The following SLC13A1 variants were observed in gnomAD, a reference collection of about 807,000 sequenced individuals.
SLC13A1 encodes the protein Na(+)/sulfate cotransporter.
In SLC13A1, 65 loss-of-function variants were observed where a neutral mutation model predicts 70.0. That is an observed-to-expected ratio of 0.93 (90% CI 0.76 to 1.14). The LOEUF is 1.14. SLC13A1 is among the 50% of genes most tolerant of loss of function. SLC13A1 has a pLI of 0.00. For synonymous variants in SLC13A1, 275 were observed against 250.5 expected, an observed-to-expected ratio of 1.10 and a Z score of -0.92; for missense variants, 726 against 717.8, an observed-to-expected ratio of 1.01 and a Z score of -0.13.
intron 6 of SLC13A1, among the ~76,000 whole-genome samples, chr7:123,160,239 C>G (rs1260215922): frequency 1.4e-4 from 20 of 146,906 alleles, no homozygotes; most frequent in African/African-American, 4.3e-4. Flanking sequence ...TCACTGCACT[C>G]TAGCCTAGGT....
At chr7:123,158,099 A>C (rs1794772106) in intron 6 of SLC13A1, among the ~76,000 whole-genome samples, 1 of 152,096 alleles carries the variant, frequency 6.6e-6, no homozygotes, top group South Asian at 2.1e-4. Flanking sequence ...AAAAAATTTC[A>C]ATGTTTAAAA....
chr7:123,194,522 G>C (rs1796111740), intron 1 of SLC13A1, among the ~76,000 whole-genome samples: 1 of 151,982 alleles, frequency 6.6e-6, no homozygotes, highest in Non-Finnish European at 1.5e-5. Flanking sequence ...GAAAAATTTT[G>C]ATTTTTCACA....
chr7:123,154,498 G>A (rs1794652377), intron 6 of SLC13A1, among the ~76,000 whole-genome samples: 5 of 152,032 alleles, frequency 3.3e-5, no homozygotes, highest in Admixed American at 2.6e-4. Flanking sequence ...CACTGAATAC[G>A]TATACTTTGT....
chr7:123,173,974 T>TG (rs1190253082), intron 2 of SLC13A1, among the ~76,000 whole-genome samples: 1 of 150,122 alleles, frequency 6.7e-6, no homozygotes, highest in Non-Finnish European at 1.5e-5. Flanking sequence ...GAAGCTGTTT[T>TG]TTTTTTTTTT....
intron 1 of SLC13A1, among the ~76,000 whole-genome samples, chr7:123,192,658 T>C (rs181936361): frequency 9.1e-4 from 138 of 152,112 alleles, no homozygotes; most frequent in African/African-American, 2.9e-3. Flanking sequence ...ACAAAGCAAT[T>C]AAAAAAGGAG....
chr7:123,188,354 A>G (rs1323851941), intron 1 of SLC13A1, among the ~76,000 whole-genome samples: 2 of 152,124 alleles, frequency 1.3e-5, no homozygotes, highest in Non-Finnish European at 2.9e-5. Context: ...TCTTTATAGC[A>G]CTATGAAAAT....
At chr7:123,199,772 A>C in intron 1 of SLC13A1, 76 bp downstream of exon 1, 1 of 1,109,172 alleles carries the variant, frequency 9.0e-7, no homozygotes, top group Non-Finnish European at 1.4e-6. Flanking sequence ...CCAGGCAGTT[A>C]AACAGCAAAC....
chr7:123,115,669 G>C lies in SLC13A1; in HGVS notation c.1651-14C>G. On this transcript the variant is annotated splice_polypyrimidine_tract_variant and intron_variant, in intron 14 of 14. Transcript: ENST00000194130. ...TCCAGCTTTAACCTTGAACAGGAAA[G>C]AGCATAAATGTCAGTGTCCCAGAAG... The C allele has an allele frequency of 6.2e-7, 1 of 1,612,670 alleles. No individual in the cohort carries two copies. Among genetic ancestry groups the C allele is most frequent in the Non-Finnish European group, 8.5e-7 (1 of 1,179,126 alleles).
intron 6 of SLC13A1, among the ~76,000 whole-genome samples, chr7:123,167,784 A>G (rs1795124338): frequency 6.6e-6 from 1 of 152,054 alleles, no homozygotes; most frequent in Admixed American, 6.6e-5. Context: ...TTTTAGTGGC[A>G]ATGGAAGCAC....
At chr7:123,126,705 A>G (rs1189981906) in intron 10 of SLC13A1, among the ~76,000 whole-genome samples, 4 of 152,100 alleles carry the variant, frequency 2.6e-5, no homozygotes, top group Non-Finnish European at 5.9e-5. Flanking sequence ...ATTTTCTTTC[A>G]TTACTAGTTA....
At chr7:123,178,017 TTC>T (rs146835273) in intron 2 of SLC13A1, among the ~76,000 whole-genome samples, 1 of 149,024 alleles carries the variant, frequency 6.7e-6, no homozygotes, top group Admixed American at 6.7e-5. Flanking sequence ...ATCTCTCTCT[TTC>T]TCTCTCTCTC....
chr7:123,188,931 C>G (rs964034968), intron 1 of SLC13A1, among the ~76,000 whole-genome samples: 1 of 150,926 alleles, frequency 6.6e-6, no homozygotes, highest in Non-Finnish European at 1.5e-5. Flanking sequence ...CCGGCTAAAA[C>G]GGTGAAACCC....
chr7:123,145,163 T>C (rs1447275738), intron 7 of SLC13A1, among the ~76,000 whole-genome samples: 1 of 152,212 alleles, frequency 6.6e-6, no homozygotes, highest in African/African-American at 2.4e-5. Context: ...CAAGTTACTA[T>C]GTGCCAGACC....
chr7:123,168,587 A>G (rs779304083), intron 4 of SLC13A1, 26 bp from the exon 5 acceptor site: 1 of 1,543,110 alleles, frequency 6.5e-7, no homozygotes, highest in South Asian at 1.1e-5. Context: ...TAAAAGAAAA[A>G]CAATTTAAAT....
At chr7:123,120,779 C>G (rs1304020702) in intron 12 of SLC13A1, among the ~76,000 whole-genome samples, 1 of 152,022 alleles carries the variant, frequency 6.6e-6, no homozygotes, top group African/African-American at 2.4e-5. Flanking sequence ...ATTTTAGTCA[C>G]ATTGACACAA....
At chr7:123,118,087 T>A (rs1035332255) in intron 13 of SLC13A1, among the ~76,000 whole-genome samples, 14 of 152,028 alleles carry the variant, frequency 9.2e-5, no homozygotes, top group African/African-American at 3.1e-4. Flanking sequence ...GAGGCTAAAG[T>A]AACTTGTCCG....
intron 6 of SLC13A1, among the ~76,000 whole-genome samples, chr7:123,165,512 T>C (rs1795040856): frequency 1.3e-5 from 2 of 152,126 alleles, no homozygotes; most frequent in Admixed American, 6.6e-5. Flanking sequence ...TACATTTTTT[T>C]CCCTCGTCCC....
intron 1 of SLC13A1, among the ~76,000 whole-genome samples, chr7:123,183,940 T>C (rs1242592807): frequency 2.0e-5 from 3 of 152,150 alleles, no homozygotes; most frequent in Non-Finnish European, 4.4e-5. Flanking sequence ...AACACACATG[T>C]GCATTTTGTA....
At chr7:123,154,071 T>C (rs1365264765) in intron 6 of SLC13A1, among the ~76,000 whole-genome samples, 1 of 152,044 alleles carries the variant, frequency 6.6e-6, no homozygotes, top group East Asian at 1.9e-4. Context: ...AGACCTAATA[T>C]TTCAGAAGTG....
Sources: gnomAD v4.1 joint callset for allele counts (sites outside exome capture counted in the v4.1 genomes callset) on GRCh38, gnomAD v4.1.1 for gene constraint, MANE v1.5 for transcripts, NCBI Gene and HGNC (gene_info 2026-07-23, HGNC 2026-07-21) for gene names.